SMNDC1: variants seen among roughly 807,000 people sequenced by gnomAD.
SMNDC1 encodes survival motor neuron domain containing 1.
In SMNDC1, 5 loss-of-function variants were observed where a neutral mutation model predicts 29.2. The ratio of observed to expected loss-of-function variants is 0.17; its 90% CI spans 0.09 to 0.36. SMNDC1 has a LOEUF of 0.36. SMNDC1 is among the 10% of genes least tolerant of loss of function. The pLI, the probability that SMNDC1 is intolerant of heterozygous loss-of-function variation, is 1.00. For missense variants in SMNDC1, 142 were observed against 268.5 expected (o/e 0.53, Z 3.29); for synonymous variants, 80 against 89.9 (o/e 0.89, Z 0.62).
chr10:110,295,805 C>T (rs772659108), intron 4 of SMNDC1, among the ~76,000 whole-genome samples: 17 of 152,232 alleles, frequency 1.1e-4, no homozygotes, highest in Non-Finnish European at 2.1e-4. Context: ...CCATGCCCAG[C>T]TAACTTTTAT....
intron 3 of SMNDC1, among the ~76,000 whole-genome samples, chr10:110,298,185 C>T (rs903221089): frequency 3.9e-5 from 6 of 152,014 alleles, no homozygotes; most frequent in Non-Finnish European, 7.4e-5. Context: ...GATGGGGTTT[C>T]ACCATGTTGG....
chr10:110,301,658 G>A (rs907318170), intron 2 of SMNDC1, among the ~76,000 whole-genome samples: 1 of 152,136 alleles, frequency 6.6e-6, no homozygotes, highest in Non-Finnish European at 1.5e-5. Context: ...AGTGGCTATG[G>A]TACTGAATAG....
In SMNDC1 at chr10:110,298,763, G is replaced by T; in HGVS notation, c.148C>A (p.Leu50Met). 6.2e-7 allele frequency: 1 copy of T among 1,613,584 alleles called. No homozygotes were observed. Among genetic ancestry groups the T allele is most frequent in the South Asian group, 1.1e-5 (1 of 91,072 alleles). The change falls in exon 3 of 6, where the codon CTG becomes ATG. Residue 50 changes from leucine to methionine, a missense_variant. Physicochemically the swap from Leu to Met is conservative, Grantham distance 15 (BLOSUM62 2). Coordinates refer to ENST00000369603, the MANE Select transcript of SMNDC1 (RefSeq NM_005871.4). ...QEVIELTKDL[L>M]STQPSETLAS... ...AGCGTCTCAGAAGGTTGAGTTGACA[G>T]AAGGTCTTTGGTTAGTTCTATAACT...
At chr10:110,300,486 G>A (rs938461377) in intron 2 of SMNDC1, 40 of 831,552 alleles carry the variant, frequency 4.8e-5, no homozygotes, top group Middle Eastern at 6.1e-4. Context: ...TCACATGTGC[G>A]TATGGACCAA....
chr10:110,297,974 C>T lies in SMNDC1; in HGVS notation c.264-246G>A, dbSNP rs1489832409. 3.9e-5 allele frequency among the ~76,000 whole-genome samples: 6 copies of T among 152,148 alleles called. No individual in the cohort carries two copies. In the East Asian group the frequency reaches 1.2e-3, roughly 29 times the overall value. ...GTACCTACTCAACGTGATTTAATGT[C>T]TTTGAGAATAGAGGTTTCTTTTTTT... On this transcript the variant is annotated intron_variant, in intron 3 of 5. Transcript: ENST00000369603.
intron 2 of SMNDC1, among the ~76,000 whole-genome samples, chr10:110,303,036 AG>A (rs1471537462): frequency 6.6e-6 from 1 of 152,080 alleles, no homozygotes; most frequent in African/African-American, 2.4e-5. Context: ...GAAAAAAAAA[AG>A]GCACGCATTT....
intron 2 of SMNDC1, among the ~76,000 whole-genome samples, chr10:110,300,972 T>G (rs1227189417): frequency 2.0e-5 from 3 of 152,084 alleles, no homozygotes; most frequent in Non-Finnish European, 4.4e-5. Context: ...AGACAGTACA[T>G]GAAAGAGATA....
chr10:110,295,420 A>G (rs1444667304), intron 4 of SMNDC1, 39 bp from the exon 5 acceptor site: 1 of 1,524,674 alleles, frequency 6.6e-7, no homozygotes, highest in Non-Finnish European at 8.8e-7. Flanking sequence ...GTTAAGACTT[A>G]TCATACAAGA....
chr10:110,299,897 T>A (rs918555522), intron 2 of SMNDC1, among the ~76,000 whole-genome samples: 4 of 152,308 alleles, frequency 2.6e-5, no homozygotes, highest in Middle Eastern at 3.4e-3. Flanking sequence ...GTTAGTTTTA[T>A]AAATAAATAA....
In SMNDC1 at chr10:110,297,596, C is replaced by T; in HGVS notation, c.396G>A (p.Lys132=). The change falls in exon 4 of 6, where the codon AAG becomes AAA. Residue 132 remains lysine (K), a synonymous_variant. Transcript: ENST00000369603. Reference sequence around the variant, plus strand: ...ACATGGGTTTGTTGCCACTGTCCTCCTTTGCCTTCCTTCCTTCTTCTACAG... The same window carrying T: ...ACATGGGTTTGTTGCCACTGTCCTCTTTTGCCTTCCTTCCTTCTTCTACAG... The part of the protein sequence containing the change: ...LKPVEEGRKA[K]EDSGNKPMSK... 1.2e-6 allele frequency: 2 copies of T among 1,613,888 alleles called. No homozygotes were observed. Among genetic ancestry groups the T allele is most frequent in the Non-Finnish European group, 1.7e-6 (2 of 1,179,898 alleles).
intron 2 of SMNDC1, 57 bp from the exon 3 acceptor site, chr10:110,298,847 A>G (rs1442853096): frequency 7.2e-7 from 1 of 1,394,804 alleles, no homozygotes; most frequent in South Asian, 1.2e-5. Context: ...TTGTCAACTT[A>G]GTTTCTGATG....
rs997930738 is a variant in SMNDC1, at chr10:110,294,034, A to G, written c.*116T>C. The G allele has an allele frequency of 3.8e-5, 29 of 773,248 alleles. No homozygotes were observed. In the African/African-American group the frequency reaches 3.9e-4, roughly 10 times the overall value. The allele number at this position is 773,248 out of a possible 1,614,324, so 47.9% of individuals were successfully genotyped here. A position where few individuals can be genotyped will look rare whatever the true frequency, so the allele number is the denominator to read the frequency against. ...CGTTTCATTCTACTGAAGCCAACCA[A>G]TGACGACAATGGTATCTTGCTTACT... On this transcript the variant is annotated 3_prime_UTR_variant, in exon 6 of 6. Coordinates refer to ENST00000369603, the MANE Select transcript of SMNDC1 (RefSeq NM_005871.4).
intron 1 of SMNDC1, 85 bp from the exon 2 acceptor site, chr10:110,303,672 A>C: frequency 7.1e-7 from 1 of 1,417,310 alleles, no homozygotes. Context: ...TGCCTGAATT[A>C]CCAGTTTTTG....
chr10:110,304,730 C>T lies in SMNDC1; in HGVS notation c.-1+18G>A, dbSNP rs1450791427. 6.6e-6 allele frequency: 1 copy of T among 152,428 alleles called. No individual in the cohort carries two copies. Among genetic ancestry groups the T allele is most frequent in the Non-Finnish European group, 1.5e-5 (1 of 68,218 alleles). 9.4% of individuals were successfully genotyped at this position (152,428 alleles called of 1,614,324 possible). ...GGGCCCGGCCAGGCCTTACTCTCTC[C>T]CTCAGGGGGGTTGTTACCTTGTGTG... On this transcript the variant is annotated intron_variant, in intron 1 of 5. Coordinates refer to ENST00000369603, the MANE Select transcript of SMNDC1 (RefSeq NM_005871.4).
intron 2 of SMNDC1, among the ~76,000 whole-genome samples, chr10:110,299,306 A>C (rs1252852846): frequency 6.6e-6 from 1 of 152,248 alleles, no homozygotes; most frequent in Non-Finnish European, 1.5e-5. Context: ...AGGCAATGTA[A>C]AAGAAACCAG....
In SMNDC1 at chr10:110,300,115, G is replaced by C. The variant is rs557976197; in HGVS notation, c.121-1325C>G. ...TTTAACCACTTTTAGGGGTAGGAAT[G>C]TAATCCAGTCAGCCTGACTCAAGAG... On this transcript the variant is annotated intron_variant, in intron 2 of 5. Coordinates refer to ENST00000369603, the MANE Select transcript of SMNDC1 (RefSeq NM_005871.4). Among the ~76,000 whole-genome samples, 28 of 152,280 alleles carry C rather than the reference G, an allele frequency of 1.8e-4. No individual in the cohort carries two copies. The East Asian group carries it at 5.4e-3, about 29-fold the overall frequency.
rs2233931 is a variant in SMNDC1 at position 110,303,458 on chromosome 10, C to G, written c.120+10G>C. ...ACAGAGAAAAAGTACAATTGTCTAC[C>G]CATACTTACTTGTAAATCTTTCTTC... On this transcript the variant is annotated intron_variant, in intron 2 of 5. Transcript: ENST00000369603. 0.062 allele frequency: 96,539 copies of G among 1,567,338 alleles called. 3,538 individuals are homozygous for G. The highest frequency in any genetic ancestry group is 0.15 in the Middle Eastern group (877 of 5,820).
chr10:110,295,302 G>C lies in SMNDC1; in HGVS notation c.505C>G (p.Gln169Glu), dbSNP rs1029574437. 1.2e-6 allele frequency: 2 copies of C among 1,609,642 alleles called. No individual in the cohort carries two copies. Among genetic ancestry groups the C allele is most frequent in the African/African-American group, 1.3e-5 (1 of 74,408 alleles). Residue 169 changes from glutamine (Q) to glutamate (E), a missense_variant, in exon 5 of 6, where the codon CAG becomes GAG. Gln to Glu is a conservative substitution (Grantham distance 29). Around this residue, in one of 4 missense-constraint regions of SMNDC1, gnomAD observed 54 missense variants for 152.1 expected, o/e 0.36. Coordinates refer to ENST00000369603, the MANE Select transcript of SMNDC1 (RefSeq NM_005871.4). ...TTCACTTTCTGGTCCTCTCTTTCCT[G>C]CTCAAGTTCTTTTATTCTCTGAGCT... ...KKAQRIKELE[Q>E]EREDQKVKWQ... is the part of the protein sequence containing the mutation.
At chr10:110,300,218 C>CA (rs1304861766) in intron 2 of SMNDC1, among the ~76,000 whole-genome samples, 1 of 152,174 alleles carries the variant, frequency 6.6e-6, no homozygotes, top group Non-Finnish European at 1.5e-5. Flanking sequence ...ATGAATTCTG[C>CA]ACTTGTAGGT....
Sources: gnomAD v4.1 joint callset for allele counts (sites outside exome capture counted in the v4.1 genomes callset) on GRCh38, gnomAD v4.1.1 for gene constraint, gnomAD v4.1.1 regional missense constraint, MANE v1.5 for transcripts, NCBI Gene and HGNC (gene_info 2026-07-23, HGNC 2026-07-21) for gene names.